Variants in PALS1 observed in about 807,000 individuals in gnomAD.
PALS1 encodes protein associated with LIN7 1, MAGUK p55 family member, also known as protein PALS1.
In PALS1, 31 loss-of-function variants were observed where a neutral mutation model predicts 78.9. The observed-to-expected ratio is 0.39, with a 90% confidence interval of 0.30 to 0.53. The LOEUF (loss-of-function observed/expected upper bound fraction) is 0.53. Ranked by LOEUF, PALS1 falls within the 20% of genes least tolerant of loss-of-function variation. The probability of loss-of-function intolerance (pLI) is 0.67; values close to 1 mark genes in which losing one functional copy is unlikely to be tolerated. For synonymous variants in PALS1, 276 were observed against 270.9 expected (o/e 1.02, Z -0.18); for missense variants, 704 against 826.5 (o/e 0.85, Z 1.82).
In PALS1 at chr14:67,279,310, T is replaced by A. The variant is rs755328312; in HGVS notation, c.140T>A (p.Met47Lys). ...VDCPGDLGTR[M>K]MPIRRSAQLE... ...TGCCCTGGAGATTTGGGCACCAGGATGATGCCAATACGTCGAAGTGCACAG... is the reference window on the plus strand; with the variant it reads ...TGCCCTGGAGATTTGGGCACCAGGAAGATGCCAATACGTCGAAGTGCACAG... Residue 47 changes from methionine to lysine, a missense_variant, in exon 3 of 15, where the codon ATG becomes AAG. Physicochemically the swap from Met to Lys is moderately conservative, Grantham distance 95. Coordinates refer to ENST00000261681, the MANE Select transcript of PALS1 (RefSeq NM_022474.4). 1 of 1,612,794 alleles carries A rather than the reference T, an allele frequency of 6.2e-7. No individual in the cohort carries two copies. Among genetic ancestry groups the A allele is most frequent in the Non-Finnish European group, 8.5e-7 (1 of 1,179,728 alleles).
At chr14:67,258,568 C>T (rs1384460281) in intron 1 of PALS1, among the ~76,000 whole-genome samples, 4 of 152,116 alleles carry the variant, frequency 2.6e-5, no homozygotes, top group African/African-American at 9.7e-5. Flanking sequence ...ACTATAGGCA[C>T]ACGCCACCAC....
Position 67,280,049 on chromosome 14 carries a change from G to A in PALS1, c.367+512G>A, listed in dbSNP as rs188460438. The A allele has an allele frequency of 5.0e-3, 756 of 152,194 alleles. 3 individuals carry two copies. Among genetic ancestry groups the A allele is most frequent in the Non-Finnish European group, 7.0e-3 (475 of 68,042 alleles). 9.4% of individuals were successfully genotyped at this position (152,194 alleles called of 1,614,324 possible). The stretch of plus-strand genomic sequence containing the variant: ...ATATCCCCAAATTCTGTTCTGTGGG[G>A]GGAAAAAAAGTCCTATGAGATATAA... On this transcript the variant is annotated intron_variant, in intron 3 of 14. Coordinates refer to ENST00000261681, the MANE Select transcript of PALS1 (RefSeq NM_022474.4).
At chr14:67,306,000 TCTCA>T (rs148572893) in intron 8 of PALS1, among the ~76,000 whole-genome samples, 5,092 of 152,226 alleles carry the variant, frequency 0.033, 101 homozygotes, top group East Asian at 0.037. Flanking sequence ...TTACTTGGAG[TCTCA>T]CTCTTGTCAC....
intron 8 of PALS1, among the ~76,000 whole-genome samples, chr14:67,307,438 T>C (rs771608477): frequency 1.3e-5 from 2 of 152,184 alleles, no homozygotes; most frequent in Non-Finnish European, 2.9e-5. Context: ...TTACAGAATA[T>C]GTACCAGAAA....
At chr14:67,260,937 T>C (rs1006630767) in intron 1 of PALS1, among the ~76,000 whole-genome samples, 1 of 152,160 alleles carries the variant, frequency 6.6e-6, no homozygotes, top group Non-Finnish European at 1.5e-5. Context: ...GCCATATGAA[T>C]GTCAGGCTAA....
At chr14:67,309,674 C>G (rs1205495907) in intron 8 of PALS1, among the ~76,000 whole-genome samples, 1 of 152,166 alleles carries the variant, frequency 6.6e-6, no homozygotes, top group East Asian at 1.9e-4. Context: ...ATTCCCTCCT[C>G]ACGGGTCTTA....
chr14:67,292,463 T>G (rs775804068), intron 3 of PALS1, 48 bp from the exon 4 acceptor site: 1 of 1,302,880 alleles, frequency 7.7e-7, no homozygotes, highest in South Asian at 1.3e-5. Context: ...GCATGTTGAA[T>G]TAATACTGAA....
intron 11 of PALS1, 28 bp from the exon 12 acceptor site, chr14:67,320,202 T>G: frequency 6.3e-7 from 1 of 1,595,696 alleles, no homozygotes; most frequent in Non-Finnish European, 8.5e-7. Context: ...TAATTTTGTT[T>G]GAAGAGCTTA....
intron 3 of PALS1, among the ~76,000 whole-genome samples, chr14:67,291,310 C>T (rs1353545505): frequency 6.7e-6 from 1 of 150,066 alleles, no homozygotes; most frequent in African/African-American, 2.5e-5. Flanking sequence ...CTCACTGCAA[C>T]CTCCGCCTCC....
At chr14:67,249,712 G>A (rs745464749) in intron 1 of PALS1, among the ~76,000 whole-genome samples, 15 of 152,272 alleles carry the variant, frequency 9.9e-5, no homozygotes, top group Middle Eastern at 3.4e-3. Flanking sequence ...AAAAGTTGAG[G>A]ATTTTGTGTG....
chr14:67,325,984 T>TTC (rs1566582881), intron 14 of PALS1, among the ~76,000 whole-genome samples: 2 of 145,096 alleles, frequency 1.4e-5, no homozygotes, highest in African/African-American at 5.2e-5. Context: ...CTTTTCTTTT[T>TTC]TTTTTTTTTT....
intron 8 of PALS1, among the ~76,000 whole-genome samples, chr14:67,309,004 T>C (rs2085050291): frequency 6.6e-6 from 1 of 151,952 alleles, no homozygotes; most frequent in Admixed American, 6.6e-5. Context: ...CTTATAGATA[T>C]TAAAAAAAGG....
At chr14:67,255,683 A>G (rs1754995888) in intron 1 of PALS1, among the ~76,000 whole-genome samples, 1 of 152,046 alleles carries the variant, frequency 6.6e-6, no homozygotes, top group South Asian at 2.1e-4. Context: ...TGTTCCTGCT[A>G]TTTTGTTTTG....
rs563078209 is a variant in PALS1 at position 67,244,633 on chromosome 14, T to A, written c.-237+3100T>A. Among the ~76,000 whole-genome samples, 7 of 152,344 alleles carry A rather than the reference T, an allele frequency of 4.6e-5. No homozygotes were observed. In the South Asian group the frequency reaches 1.4e-3, roughly 32 times the overall value. ...AAGGACATTTGAGTTGTTTTCAGGT[T>A]TTTTGTGACTGAATAAAGTGGCTGT... On this transcript the variant is annotated intron_variant, in intron 1 of 14. Transcript: ENST00000261681.
chr14:67,320,207 A>G (rs3809387), intron 11 of PALS1, 23 bp from the exon 12 acceptor site: 118,318 of 1,596,396 alleles, frequency 0.074, 13,666 homozygotes, highest in East Asian at 0.41. Flanking sequence ...TTGTTTGAAG[A>G]GCTTAACTTT....
chr14:67,308,314 C>CT lies in PALS1; in HGVS notation c.1042-4199dup, dbSNP rs34145010. The stretch of plus-strand genomic sequence containing the variant: ...ATAGAAAAGGGAAAAACCAAACTTC[C>CT]TTTTTTTTTTTTTTCTTTTTTTTCT... On this transcript the variant is annotated intron_variant, in intron 8 of 14. Transcript: ENST00000261681. Among the ~76,000 whole-genome samples the CT allele has an allele frequency of 4.0e-3, 562 of 139,462 alleles. 1 individual carries two copies. Among genetic ancestry groups the CT allele is most frequent in the African/African-American group, 7.5e-3 (282 of 37,748 alleles). The allele number at this position is 139,462 out of a possible 152,430, so 91.5% of individuals were successfully genotyped here.
intron 14 of PALS1, 93 bp downstream of exon 14, chr14:67,323,905 T>G (rs2085308529): frequency 1.5e-6 from 1 of 678,678 alleles, no homozygotes; most frequent in Non-Finnish European, 2.5e-6. Context: ...CTACATTAGC[T>G]TGAGCTTTCA....
Position 67,279,469 on chromosome 14 carries a change from A to G in PALS1, c.299A>G (p.Asp100Gly). ...CAAATTCCTCCAAAGACCGGAATAG[A>G]TAACCCTATGTTTGATACAGAGGAA... ...LAQIPPKTGIDNPMFDTEEGI... is the reference protein window; with the variant it reads ...LAQIPPKTGIGNPMFDTEEGI... Residue 100 changes from aspartate to glycine, a missense_variant, in exon 3 of 15, where the codon GAT (aspartate) becomes GGT (glycine). By Grantham distance (94) the Asp-to-Gly change is moderately conservative (BLOSUM62 -1). Coordinates refer to ENST00000261681, the MANE Select transcript of PALS1 (RefSeq NM_022474.4). 6.2e-7 allele frequency: 1 copy of G among 1,609,946 alleles called. No individual in the cohort carries two copies. The highest frequency in any genetic ancestry group is 1.1e-5 in the South Asian group (1 of 90,324).
At chr14:67,260,156 G>A (rs770416519) in intron 1 of PALS1, among the ~76,000 whole-genome samples, 1 of 152,106 alleles carries the variant, frequency 6.6e-6, no homozygotes, top group East Asian at 1.9e-4. Flanking sequence ...AGGTTTAAGC[G>A]CCAGCTCTCC....
Sources: allele counts gnomAD v4.1 joint callset (sites outside exome capture counted in the v4.1 genomes callset), GRCh38; gene constraint gnomAD v4.1.1; transcripts MANE v1.5; gene names NCBI Gene and HGNC (gene_info 2026-07-23, HGNC 2026-07-21).